The following SPATA16 variants were observed in gnomAD, a reference collection of about 807,000 sequenced individuals.
SPATA16 encodes spermatogenesis-associated protein 16.
Under a neutral mutation model 63.3 loss-of-function variants are expected in SPATA16, and 36 were observed. The observed-to-expected ratio is 0.57, with a 90% CI of 0.44 to 0.75. SPATA16 has a LOEUF of 0.75. SPATA16 is among the 30% of genes least tolerant of loss of function. The probability of loss-of-function intolerance (pLI) is 0.00; values close to 1 mark genes in which losing one functional copy is unlikely to be tolerated. For synonymous variants in SPATA16, 203 were observed against 216.7 expected (o/e 0.94, Z 0.56); for missense variants, 646 against 679.3 (o/e 0.95, Z 0.54).
chr3:173,136,892 A>G (rs1184371155), intron 1 of SPATA16, among the ~76,000 whole-genome samples: 1 of 152,208 alleles, frequency 6.6e-6, no homozygotes, highest in Non-Finnish European at 1.5e-5. Context: ...TGCAGCCACC[A>G]AGTAGACGAA....
intron 2 of SPATA16, among the ~76,000 whole-genome samples, chr3:173,111,998 T>C (rs1737761279): frequency 6.6e-6 from 1 of 152,186 alleles, no homozygotes; most frequent in Admixed American, 6.5e-5. Flanking sequence ...GACCTCTCTG[T>C]TTCTTTTTAT....
intron 4 of SPATA16, among the ~76,000 whole-genome samples, chr3:172,996,733 A>G (rs1249747252): frequency 2.0e-5 from 3 of 152,118 alleles, no homozygotes; most frequent in Non-Finnish European, 4.4e-5. Flanking sequence ...GTACAATGAT[A>G]TATATCCTTC....
intron 10 of SPATA16, among the ~76,000 whole-genome samples, chr3:172,906,978 T>A (rs968339329): frequency 1.3e-5 from 2 of 152,058 alleles, no homozygotes; most frequent in East Asian, 3.9e-4. Context: ...ACTTTTTACC[T>A]CTCATGAGGA....
intron 10 of SPATA16, among the ~76,000 whole-genome samples, chr3:172,899,186 T>G (rs78092519): frequency 2.0e-5 from 3 of 152,016 alleles, no homozygotes; most frequent in Non-Finnish European, 4.4e-5. Flanking sequence ...TTCTTGTTGA[T>G]TTTCTATTTA....
Position 173,087,860 on chromosome 3 carries a change from T to C in SPATA16, c.612+29260A>G, listed in dbSNP as rs548844195. Among the ~76,000 whole-genome samples the C allele has an allele frequency of 3.9e-5, 6 of 152,284 alleles. No homozygotes were observed. The South Asian group carries it at 1.2e-3, about 32-fold the overall frequency. ...ATGTTGAATATTGGCCTCCAATCTCTTCTGGCTTGTAGGGTTTCCACGGAG... is the reference window on the plus strand; with the variant it reads ...ATGTTGAATATTGGCCTCCAATCTCCTCTGGCTTGTAGGGTTTCCACGGAG... On this transcript the variant is annotated intron_variant, in intron 2 of 10. Transcript: ENST00000351008.
chr3:173,085,198 G>A (rs1317588374), intron 2 of SPATA16, among the ~76,000 whole-genome samples: 1 of 152,024 alleles, frequency 6.6e-6, no homozygotes, highest in African/African-American at 2.4e-5. Flanking sequence ...TTGAGGAGTG[G>A]TTTGTAGTTC....
At chr3:172,964,998 A>G (rs1733881422) in intron 5 of SPATA16, among the ~76,000 whole-genome samples, 1 of 152,246 alleles carries the variant, frequency 6.6e-6, no homozygotes, top group Non-Finnish European at 1.5e-5. Flanking sequence ...ACGTGTTCTC[A>G]GATTCTCTCT....
chr3:173,136,066 A>T (rs927735824), intron 1 of SPATA16, among the ~76,000 whole-genome samples: 1 of 152,216 alleles, frequency 6.6e-6, no homozygotes, highest in Non-Finnish European at 1.5e-5. Context: ...TTGTCTAAGA[A>T]TATAAGCAAG....
intron 5 of SPATA16, among the ~76,000 whole-genome samples, chr3:172,970,212 A>C (rs1195316535): frequency 6.6e-6 from 1 of 152,060 alleles, no homozygotes; most frequent in African/African-American, 2.4e-5. Context: ...CGTGATGCCT[A>C]TTTTCCTTTG....
intron 4 of SPATA16, among the ~76,000 whole-genome samples, chr3:172,984,850 G>T (rs1280141303): frequency 6.6e-6 from 1 of 152,174 alleles, no homozygotes; most frequent in Admixed American, 6.5e-5. Flanking sequence ...ACTGCTATTT[G>T]TAACAGCAGC....
At chr3:172,922,894 C>A (rs1489631244) in intron 8 of SPATA16, among the ~76,000 whole-genome samples, 2 of 152,092 alleles carry the variant, frequency 1.3e-5, no homozygotes, top group African/African-American at 4.8e-5. Flanking sequence ...TGCACTCCAA[C>A]CCGGGTGACA....
chr3:173,074,347 A>C (rs28872576), intron 2 of SPATA16, among the ~76,000 whole-genome samples: 18,176 of 152,090 alleles, frequency 0.12, 1,224 homozygotes, highest in East Asian at 0.25. Context: ...CCCCATCCAA[A>C]TCTTATCTTG....
At chr3:173,012,878 A>C (rs1253979518) in intron 4 of SPATA16, among the ~76,000 whole-genome samples, 2 of 152,316 alleles carry the variant, frequency 1.3e-5, no homozygotes, top group Middle Eastern at 6.8e-3. Flanking sequence ...CTTGGCAAAG[A>C]GTTTATGGCA....
chr3:172,981,986 A>G (rs973679787), intron 4 of SPATA16, among the ~76,000 whole-genome samples: 1 of 152,214 alleles, frequency 6.6e-6, no homozygotes, highest in African/African-American at 2.4e-5. Context: ...ATCTGGCTCT[A>G]CTGGAATATA....
Position 172,924,397 on chromosome 3 carries a change from C to T in SPATA16, c.1229-80G>A, listed in dbSNP as rs183314141. On this transcript the variant is annotated intron_variant, in intron 7 of 10. Coordinates refer to ENST00000351008, the MANE Select transcript of SPATA16 (RefSeq NM_031955.6). ...AATATTTTCTTTAGCAAGCTATAAACGAATATCTCAATATTAATAGATACA... is the reference window on the plus strand; with the variant it reads ...AATATTTTCTTTAGCAAGCTATAAATGAATATCTCAATATTAATAGATACA... 4.0e-5 allele frequency: 44 copies of T among 1,088,788 alleles called. 1 individual carries two copies. The highest frequency in any genetic ancestry group is 3.1e-4 in the South Asian group (24 of 77,858). 67.4% of individuals were successfully genotyped at this position (1,088,788 alleles called of 1,614,324 possible).
intron 3 of SPATA16, among the ~76,000 whole-genome samples, chr3:173,047,844 G>A (rs904168704): frequency 1.3e-5 from 2 of 151,868 alleles, no homozygotes; most frequent in African/African-American, 4.8e-5. Context: ...ATGTTTTGTA[G>A]TTTACTTAAG....
chr3:173,007,662 A>G (rs958924730), intron 4 of SPATA16, among the ~76,000 whole-genome samples: 6 of 152,234 alleles, frequency 3.9e-5, no homozygotes, highest in African/African-American at 1.4e-4. Flanking sequence ...ATGATAATAA[A>G]TGTTATATGA....
At chr3:173,000,869 A>C (rs1734805600) in intron 4 of SPATA16, among the ~76,000 whole-genome samples, 1 of 151,590 alleles carries the variant, frequency 6.6e-6, no homozygotes, top group South Asian at 2.1e-4. Context: ...TGATCTCTAG[A>C]ATTTCTGTTT....
intron 4 of SPATA16, among the ~76,000 whole-genome samples, chr3:173,005,560 G>C (rs1317765838): frequency 6.6e-6 from 1 of 152,048 alleles, no homozygotes; most frequent in Non-Finnish European, 1.5e-5. Context: ...TTTGCAGAAA[G>C]TGCACACAAC....
Sources: allele counts gnomAD v4.1 joint callset (sites outside exome capture counted in the v4.1 genomes callset), GRCh38; gene constraint gnomAD v4.1.1; transcripts MANE v1.5; gene names NCBI Gene and HGNC (gene_info 2026-07-23, HGNC 2026-07-21).